Variants in COMMD7 observed in about 807,000 individuals in gnomAD.
The protein encoded by COMMD7 is COMM domain containing 7.
In COMMD7, 28 loss-of-function variants were observed where a neutral mutation model predicts 34.8. The ratio of observed to expected loss-of-function variants is 0.80; its 90% confidence interval spans 0.60 to 1.10. The LOEUF is 1.10. COMMD7 is among the 50% of genes least tolerant of loss of function. The pLI is 0.00. For missense variants in COMMD7, 211 were observed against 241.6 expected (o/e 0.87, Z 0.84); for synonymous variants, 80 against 86.4 (o/e 0.93, Z 0.41).
At chr20:32,706,456 T>A in intron 5 of COMMD7, 127 bp downstream of exon 5, 2 of 703,770 alleles carry the variant, frequency 2.8e-6, no homozygotes. Flanking sequence ...GAGGTTGTGG[T>A]GAGCCGAGAT....
intron 3 of COMMD7, among the ~76,000 whole-genome samples, chr20:32,723,182 C>G (rs1985297264): frequency 2.0e-5 from 1 of 51,118 alleles, no homozygotes; most frequent in Non-Finnish European, 5.1e-5. Context: ...CCACGGTCTC[C>G]CTCTCATGCG....
intron 6 of COMMD7, 65 bp downstream of exon 6, chr20:32,704,749 G>A: frequency 5.7e-6 from 7 of 1,218,452 alleles, no homozygotes; most frequent in South Asian, 1.2e-5. Flanking sequence ...TAGTGGCTGT[G>A]TCACAGCCTC....
At chr20:32,735,499 T>C (rs1986090605) in intron 1 of COMMD7, among the ~76,000 whole-genome samples, 1 of 151,920 alleles carries the variant, frequency 6.6e-6, no homozygotes, top group African/African-American at 2.4e-5. Flanking sequence ...GTATTTTTAG[T>C]GGAGACAGGG....
intron 1 of COMMD7, among the ~76,000 whole-genome samples, chr20:32,732,585 T>C (rs1370498057): frequency 6.6e-6 from 1 of 151,840 alleles, no homozygotes; most frequent in African/African-American, 2.4e-5. Flanking sequence ...TCAGGCAACA[T>C]AGTGAGAGCC....
chr20:32,704,757 C>T, intron 6 of COMMD7, 57 bp downstream of exon 6: 1 of 1,310,164 alleles, frequency 7.6e-7, no homozygotes, highest in Admixed American at 1.7e-5. Flanking sequence ...GTGTCACAGC[C>T]TCTGCACCCC....
chr20:32,738,545 C>T (rs1986266034), intron 1 of COMMD7, among the ~76,000 whole-genome samples: 1 of 152,056 alleles, frequency 6.6e-6, no homozygotes, highest in African/African-American at 2.4e-5. Flanking sequence ...CAAGATCATG[C>T]CATTGCACTA....
intron 5 of COMMD7, among the ~76,000 whole-genome samples, chr20:32,705,608 C>A (rs541646181): frequency 2.8e-4 from 42 of 152,054 alleles, no homozygotes; most frequent in African/African-American, 9.9e-4. Flanking sequence ...CTCCTGACCT[C>A]GTGATCCGCC....
intron 3 of COMMD7, among the ~76,000 whole-genome samples, chr20:32,712,269 C>CAAAAAAAA (rs56096713): frequency 1.4e-5 from 1 of 71,838 alleles, no homozygotes; most frequent in Non-Finnish European, 2.3e-5. Context: ...GACTCCGTCT[C>CAAAAAAAA]AAAAAAAAAA....
At chr20:32,736,534 G>T (rs1267457504) in intron 1 of COMMD7, among the ~76,000 whole-genome samples, 1 of 151,996 alleles carries the variant, frequency 6.6e-6, no homozygotes. Context: ...GCCAGGCATG[G>T]TGGCACATGC....
intron 3 of COMMD7, among the ~76,000 whole-genome samples, chr20:32,722,381 C>G (rs557023551): frequency 6.6e-6 from 1 of 152,034 alleles, no homozygotes; most frequent in African/African-American, 2.4e-5. Context: ...AGGTCTCAGC[C>G]CTCAGACAAA....
intron 3 of COMMD7, among the ~76,000 whole-genome samples, chr20:32,724,541 C>T (rs1985404673): frequency 4.8e-4 from 1 of 2,100 alleles, no homozygotes; most frequent in Admixed American, 2.2e-3. Flanking sequence ...GGATGGTTGC[C>T]GTGTCTGTGT....
At chr20:32,740,576 C>T (rs1223206910) in intron 1 of COMMD7, among the ~76,000 whole-genome samples, 3 of 151,916 alleles carry the variant, frequency 2.0e-5, no homozygotes, top group Non-Finnish European at 4.4e-5. Flanking sequence ...CAGAAATCCG[C>T]GCCCAGCCAT....
chr20:32,738,815 T>A (rs1986277249), intron 1 of COMMD7, among the ~76,000 whole-genome samples: 1 of 152,054 alleles, frequency 6.6e-6, no homozygotes. Flanking sequence ...AACCGCAGCC[T>A]CCAATTTCTG....
chr20:32,717,569 G>A (rs1405267626), intron 3 of COMMD7, among the ~76,000 whole-genome samples: 12 of 150,424 alleles, frequency 8.0e-5, no homozygotes, highest in Non-Finnish European at 1.5e-4. Flanking sequence ...CAAGCGATCC[G>A]CCCACCTCAG....
Position 32,704,808 on chromosome 20 carries a change from A to G in COMMD7, c.427+6T>C. 6.2e-7 allele frequency: 1 copy of G among 1,606,138 alleles called. No individual in the cohort carries two copies. Among genetic ancestry groups the G allele is most frequent in the Non-Finnish European group, 8.5e-7 (1 of 1,172,814 alleles). ...AAATAACCCAGGACTGGTTGTAACT[A>G]GTTACCTCCAAATTTCCACTCCATA... On this transcript the variant is annotated splice_donor_region_variant and intron_variant, in intron 6 of 8. Transcript: ENST00000278980.
intron 5 of COMMD7, among the ~76,000 whole-genome samples, chr20:32,706,027 C>T (rs113289353): frequency 0.02 from 2,967 of 151,746 alleles, 89 homozygotes; most frequent in African/African-American, 0.068. Flanking sequence ...GGTGAAACCC[C>T]GTCTCTACTA....
chr20:32,718,644 A>G (rs1984960878), intron 3 of COMMD7, among the ~76,000 whole-genome samples: 1 of 152,172 alleles, frequency 6.6e-6, no homozygotes, highest in Admixed American at 6.6e-5. Context: ...GGTTGCAGTG[A>G]GCAGAGACTG....
At chr20:32,741,339 T>TC (rs1365616203) in intron 1 of COMMD7, among the ~76,000 whole-genome samples, 1 of 148,966 alleles carries the variant, frequency 6.7e-6, no homozygotes, top group African/African-American at 2.5e-5. Flanking sequence ...TGTCTCAGCC[T>TC]CCCAAGTAGC....
chr20:32,731,863 C>T (rs373064870), intron 1 of COMMD7, among the ~76,000 whole-genome samples: 81 of 152,296 alleles, frequency 5.3e-4, no homozygotes, highest in African/African-American at 1.7e-3. Flanking sequence ...AGGATTCTCC[C>T]CAGTAAACTT....
Sources: gnomAD v4.1 joint callset for allele counts (sites outside exome capture counted in the v4.1 genomes callset) on GRCh38, gnomAD v4.1.1 for gene constraint, MANE v1.5 for transcripts, NCBI Gene and HGNC (gene_info 2026-07-23, HGNC 2026-07-21) for gene names.